The following KRTAP4-16 variants were observed in gnomAD, a reference collection of about 807,000 sequenced individuals.
The protein encoded by KRTAP4-16 is keratin associated protein 4-16.
For missense variants in KRTAP4-16, 378 were observed against 233.5 expected (o/e 1.62, Z -4.03); for synonymous variants, 140 against 88.8 (o/e 1.58, Z -3.24).
chr17:41,102,034 C>A (rs768219907), exon 1 of KRTAP4-16: 5 of 1,580,292 alleles, frequency 3.2e-6, no homozygotes, highest in Admixed American at 3.8e-5. Context: ...GGTGGGCTGG[C>A]AGCACACGGA....
exon 1 of KRTAP4-16, chr17:41,102,209 T>C: frequency 9.3e-7 from 1 of 1,071,488 alleles, no homozygotes; most frequent in Non-Finnish European, 1.4e-6. Context: ...GAACTGCACA[T>C]AGTAAAATGC....
chr17:41,101,830 C>T lies in KRTAP4-16; in HGVS notation c.380G>A (p.Cys127Tyr), dbSNP rs752511001. The change falls in exon 1 of 1, where the codon TGC (cysteine) becomes TAC (tyrosine). Residue 127 changes from cysteine (C) to tyrosine (Y), a missense_variant. Coordinates refer to ENST00000440582, the Ensembl canonical transcript of KRTAP4-16. Reference sequence around the variant, plus strand: ...ACCACAGACTGGACGCAGGCAGCAGCAGGGGCAGCAGCAGCTCGATTCACA... The same window carrying T: ...ACCACAGACTGGACGCAGGCAGCAGTAGGGGCAGCAGCAGCTCGATTCACA... 1.9e-6 allele frequency: 3 copies of T among 1,592,506 alleles called. No homozygotes were observed. The East Asian group carries it at 6.8e-5, about 36-fold the overall frequency.
exon 1 of KRTAP4-16, chr17:41,102,126 A>C: frequency 2.6e-6 from 4 of 1,540,184 alleles, no homozygotes; most frequent in South Asian, 1.1e-5. Flanking sequence ...TGGTCTGACA[A>C]CAGCTGGGGT....
At chr17:41,101,625 G>A (rs1266851923) in exon 1 of KRTAP4-16, 2 of 483,834 alleles carry the variant, frequency 4.1e-6, no homozygotes, top group Admixed American at 2.9e-5. Context: ...TTAACACTGG[G>A]GAGAGGAGGG....
exon 1 of KRTAP4-16, chr17:41,102,023 A>G: frequency 6.3e-7 from 1 of 1,592,546 alleles, no homozygotes; most frequent in Non-Finnish European, 8.5e-7. Context: ...GGGCGGCAGC[A>G]GGTGGGCTGG....
chr17:41,101,848 G>C (rs780065169), exon 1 of KRTAP4-16: 18 of 1,603,762 alleles, frequency 1.1e-5, no homozygotes, highest in Non-Finnish European at 1.5e-5. Flanking sequence ...GCAGCAGCTC[G>C]ATTCACAGCA....
chr17:41,101,921 C>G (rs538685455), exon 1 of KRTAP4-16: 10 of 1,610,370 alleles, frequency 6.2e-6, no homozygotes, highest in African/African-American at 2.7e-5. Context: ...TGGAAGCACA[C>G]GGAATGGCAG....
At chr17:41,102,118 G>A (rs539741521) in exon 1 of KRTAP4-16, 41 of 1,568,162 alleles carry the variant, frequency 2.6e-5, no homozygotes, top group Non-Finnish European at 3.3e-5. Context: ...GCAGCAGGTG[G>A]TCTGACAACA....
exon 1 of KRTAP4-16, chr17:41,101,540 G>T: frequency 3.0e-6 from 1 of 334,278 alleles, no homozygotes; most frequent in Non-Finnish European, 5.1e-6. Context: ...CTGGGGAAAT[G>T]AGGGGAGGGG....
exon 1 of KRTAP4-16, chr17:41,102,061 C>T (rs1344724436): frequency 6.3e-7 from 1 of 1,597,128 alleles, no homozygotes; most frequent in Admixed American, 1.7e-5. Context: ...GCACTGGGGT[C>T]TGCAGCAGCT....
exon 1 of KRTAP4-16, chr17:41,101,752 C>T: frequency 2.8e-6 from 4 of 1,437,214 alleles, no homozygotes; most frequent in Non-Finnish European, 3.8e-6. Flanking sequence ...GGGGTGGGGG[C>T]AGGTGGAGAT....
At chr17:41,102,202 C>G (rs1015127313) in exon 1 of KRTAP4-16, 5 of 1,132,252 alleles carry the variant, frequency 4.4e-6, no homozygotes. Context: ...CATCTTTGAA[C>G]TGCACATAGT....
chr17:41,102,170 T>A, exon 1 of KRTAP4-16: 1 of 1,399,988 alleles, frequency 7.1e-7, no homozygotes, highest in Non-Finnish European at 1.0e-6. Context: ...GCACACAGAC[T>A]GGAAGCACTG....
exon 1 of KRTAP4-16, chr17:41,101,736 G>A (rs1383952593): frequency 7.5e-7 from 1 of 1,341,832 alleles, no homozygotes; most frequent in Admixed American, 2.1e-5. Context: ...GGGAGGCACA[G>A]CACAAGGGGT....
exon 1 of KRTAP4-16, chr17:41,102,013 G>A (rs758593050): frequency 2.0e-5 from 32 of 1,592,800 alleles, no homozygotes; most frequent in Non-Finnish European, 2.6e-5. Context: ...ACAGCAGCTG[G>A]GGCGGCAGCA....
Position 41,101,776 on chromosome 17 carries a change from T to C in KRTAP4-16, c.434A>G (p.His145Arg), listed in dbSNP as rs932164020. 14 of 1,536,318 alleles carry C rather than the reference T, an allele frequency of 9.1e-6. 1 individual carries two copies. Among genetic ancestry groups the C allele is most frequent in the African/African-American group, 2.8e-5 (2 of 71,844 alleles). The stretch of plus-strand genomic sequence containing the variant: ...GCAGGTGGAGATGACACAGGTTGGG[T>C]GATAGCAAGTGACGTGGCAGGAGAC... The change falls in exon 1 of 1, where the codon CAC becomes CGC. Residue 145 changes from histidine to arginine, a missense_variant. By Grantham distance (29) the His-to-Arg change is conservative. Transcript: ENST00000440582.
In KRTAP4-16 at chr17:41,101,804, G is replaced by T. The variant is rs773555834; in HGVS notation, c.406C>A (p.Arg136=). Residue 136 remains arginine (R), a synonymous_variant, in exon 1 of 1, where the codon CGA becomes AGA. Coordinates refer to ENST00000440582, the Ensembl canonical transcript of KRTAP4-16. ...TAGCAAGTGACGTGGCAGGAGACTC[G>T]ACCACAGACTGGACGCAGGCAGCAG... 7.6e-6 allele frequency: 12 copies of T among 1,571,680 alleles called. 1 individual carries two copies. In the South Asian group the frequency reaches 1.4e-4, roughly 18 times the overall value.
chr17:41,101,803 C>G (rs772730682), exon 1 of KRTAP4-16: 2 of 1,569,710 alleles, frequency 1.3e-6, no homozygotes, highest in East Asian at 2.3e-5. Flanking sequence ...GCAGGAGACT[C>G]GACCACAGAC....
chr17:41,101,897 G>T (rs2013992136), exon 1 of KRTAP4-16: 1 of 1,610,682 alleles, frequency 6.2e-7, no homozygotes. Flanking sequence ...CAGCTGGGGT[G>T]GCAGCAGGTG....
Sources: gnomAD v4.1 joint callset for allele counts on GRCh38, gnomAD v4.1.1 for gene constraint, MANE v1.5 for transcripts, NCBI Gene and HGNC (gene_info 2026-07-23, HGNC 2026-07-21) for gene names.